SLC35D1: variants seen among roughly 807,000 people sequenced by gnomAD.
SLC35D1 encodes nucleotide sugar transporter SLC35D1.
SLC35D1 carries 31 observed loss-of-function variants against 46.7 expected under a neutral mutation model. The ratio of observed to expected loss-of-function variants is 0.66; its 90% CI spans 0.50 to 0.90. SLC35D1 has a LOEUF of 0.90. SLC35D1 is among the 40% of genes least tolerant of loss of function. SLC35D1 has a pLI of 0.00. For synonymous variants in SLC35D1, 195 were observed against 164.6 expected (o/e 1.18, Z -1.41); for missense variants, 397 against 426.2 (o/e 0.93, Z 0.60).
intron 11 of SLC35D1, among the ~76,000 whole-genome samples, chr1:67,007,813 C>T (rs1436580909): frequency 6.6e-6 from 1 of 152,140 alleles, no homozygotes; most frequent in Non-Finnish European, 1.5e-5. Flanking sequence ...ACTTTTTATA[C>T]AACACTACCA....
intron 3 of SLC35D1, among the ~76,000 whole-genome samples, chr1:67,052,368 T>A (rs1645318827): frequency 6.6e-6 from 1 of 152,188 alleles, no homozygotes; most frequent in East Asian, 1.9e-4. Context: ...TGATAATGTA[T>A]TAGAGCCCAT....
At chr1:67,017,102 C>A (rs138163954) in intron 10 of SLC35D1, among the ~76,000 whole-genome samples, 2,083 of 152,158 alleles carry the variant, frequency 0.014, 20 homozygotes, top group Middle Eastern at 0.024. Flanking sequence ...ATCTAAGATT[C>A]CTTATTAAAA....
chr1:67,031,513 G>C (rs1349827659), intron 8 of SLC35D1, among the ~76,000 whole-genome samples: 1 of 152,006 alleles, frequency 6.6e-6, no homozygotes, highest in Non-Finnish European at 1.5e-5. Flanking sequence ...TACCTGTTCA[G>C]CTCCATAACC....
At chr1:67,053,077 G>A (rs1645328054) in intron 1 of SLC35D1, 88 bp from the exon 2 acceptor site, 1 of 1,442,768 alleles carries the variant, frequency 6.9e-7, no homozygotes, top group East Asian at 2.4e-5. Context: ...ACGTTAATAA[G>A]GCATTCCGAT....
chr1:67,025,816 T>C (rs921045648), intron 8 of SLC35D1, among the ~76,000 whole-genome samples: 3 of 152,214 alleles, frequency 2.0e-5, no homozygotes, highest in African/African-American at 7.2e-5. Context: ...CTGAAGCTAT[T>C]ATAAGTGGTA....
chr1:66,990,433 C>T, the SLC35D1 span, among the ~76,000 whole-genome samples: 2 of 152,166 alleles, frequency 1.3e-5, no homozygotes, highest in Non-Finnish European at 2.9e-5. Context: ...CCACCACGCC[C>T]TAATTTTTAT....
intron 1 of SLC35D1, 37 bp from the exon 2 acceptor site, chr1:67,053,026 AAACCTAAC>A: frequency 1.2e-6 from 2 of 1,612,534 alleles, no homozygotes; most frequent in Non-Finnish European, 1.7e-6. Context: ...AGATCAGAAC[AAACCTAAC>A]TTAGCTCCGT....
intron 10 of SLC35D1, among the ~76,000 whole-genome samples, chr1:67,013,158 A>ATATATATATATATATATATATATATG: frequency 0.058 from 5,959 of 103,462 alleles, 552 homozygotes; most frequent in East Asian, 0.13. Context: ...TATCCTGGAG[A>ATATATATATATATATATATATATATG]TATATATATA....
Position 67,042,316 on chromosome 1 carries a change from A to G in SLC35D1, c.649T>C (p.Tyr217His), listed in dbSNP as rs1392523744. ...AGTGCATTGTAATAGAGCAGTCCAT[A>G]TTTTCCCAGCTCCTAGGACAGTAAA... Reference protein sequence around the residue: ...QKLDSKELGKYGLLYYNALFM... With the variant: ...QKLDSKELGKHGLLYYNALFM... The change falls in exon 8 of 12, where the codon TAT becomes CAT. Residue 217 changes from tyrosine (Y) to histidine (H), a missense_variant. Tyr to His is a moderately conservative substitution (Grantham distance 83). Coordinates refer to ENST00000235345, the MANE Select transcript of SLC35D1 (RefSeq NM_015139.3). The G allele has an allele frequency of 5.0e-6, 8 of 1,613,946 alleles. No homozygotes were observed. In the African/African-American group the frequency reaches 6.7e-5, roughly 13 times the overall value.
At chr1:66,979,791 T>C in the SLC35D1 span, among the ~76,000 whole-genome samples, 1 of 151,458 alleles carries the variant, frequency 6.6e-6, no homozygotes, top group Non-Finnish European at 1.5e-5. Flanking sequence ...AGACGGAGTC[T>C]CAACCTGTTG....
At chr1:67,024,397 T>C (rs1045074751) in intron 8 of SLC35D1, among the ~76,000 whole-genome samples, 3 of 152,232 alleles carry the variant, frequency 2.0e-5, no homozygotes, top group Non-Finnish European at 4.4e-5. Flanking sequence ...CTCCTATCTT[T>C]TCTTCTAGTT....
chr1:67,051,093 A>C (rs891383436), intron 4 of SLC35D1, among the ~76,000 whole-genome samples: 1 of 152,232 alleles, frequency 6.6e-6, no homozygotes, highest in African/African-American at 2.4e-5. Context: ...CAAACTCTAC[A>C]CAAGCAGCAC....
intron 8 of SLC35D1, among the ~76,000 whole-genome samples, chr1:67,029,624 C>G (rs1667978931): frequency 6.6e-6 from 1 of 152,128 alleles, no homozygotes; most frequent in Non-Finnish European, 1.5e-5. Context: ...TGATCTGTGG[C>G]CCAGCATCAT....
chr1:67,040,995 T>C (rs953656474), intron 8 of SLC35D1, among the ~76,000 whole-genome samples: 3 of 152,172 alleles, frequency 2.0e-5, no homozygotes, highest in African/African-American at 7.2e-5. Flanking sequence ...GACTCCACTA[T>C]TCCCCAATAG....
chr1:66,985,827 T>A, the SLC35D1 span: 1 of 860,752 alleles, frequency 1.2e-6, no homozygotes, highest in Non-Finnish European at 1.4e-6. Flanking sequence ...TTTTTTTTTT[T>A]TTTTTTTTTT....
the SLC35D1 span, among the ~76,000 whole-genome samples, chr1:66,990,881 C>G: frequency 3.3e-5 from 5 of 152,190 alleles, no homozygotes; most frequent in South Asian, 4.1e-4. Context: ...AGGGGAGGGT[C>G]GAGTCTGTTT....
chr1:67,017,072 A>G (rs960736737), intron 10 of SLC35D1, among the ~76,000 whole-genome samples: 1 of 152,156 alleles, frequency 6.6e-6, no homozygotes, highest in African/African-American at 2.4e-5. Context: ...CCTGGCCTTG[A>G]GGCTTTTAAA....
the SLC35D1 span, among the ~76,000 whole-genome samples, chr1:66,975,073 C>T: frequency 2.0e-5 from 3 of 151,980 alleles, no homozygotes; most frequent in African/African-American, 4.8e-5. Context: ...ACAGTGCAAA[C>T]GGGAAGAAAG....
At chr1:66,984,435 A>G in the SLC35D1 span, 3 of 603,542 alleles carry the variant, frequency 5.0e-6, no homozygotes, top group East Asian at 8.6e-5. Flanking sequence ...CATAGCTTAT[A>G]AGTAATAGAG....
Sources: gnomAD v4.1 joint callset for allele counts (sites outside exome capture counted in the v4.1 genomes callset) on GRCh38, gnomAD v4.1.1 for gene constraint, MANE v1.5 for transcripts, NCBI Gene and HGNC (gene_info 2026-07-23, HGNC 2026-07-21) for gene names.